NKAIN2: variants seen among roughly 807,000 people sequenced by gnomAD.
The protein encoded by NKAIN2 is sodium/potassium-transporting ATPase subunit beta-1-interacting protein 2.
Under a neutral mutation model 32.6 loss-of-function variants are expected in NKAIN2, and 14 were observed. The observed-to-expected ratio is 0.43, with a 90% confidence interval of 0.28 to 0.67. The LOEUF is 0.67. Ranked by LOEUF, NKAIN2 falls within the 30% of genes least tolerant of loss-of-function variation. The pLI, the probability that NKAIN2 is intolerant of heterozygous loss-of-function variation, is 0.17. For synonymous variants in NKAIN2, 80 were observed against 87.2 expected (o/e 0.92, Z 0.46); for missense variants, 198 against 258.3 (o/e 0.77, Z 1.60).
intron 3 of NKAIN2, among the ~76,000 whole-genome samples, chr6:124,386,384 C>G (rs1178562521): frequency 1.3e-5 from 2 of 152,154 alleles, no homozygotes; most frequent in Non-Finnish European, 2.9e-5. Flanking sequence ...TTACTGTTGA[C>G]TGGTTCACTG....
At chr6:123,947,664 GAT>G (rs780424486) in intron 1 of NKAIN2, among the ~76,000 whole-genome samples, 7 of 152,208 alleles carry the variant, frequency 4.6e-5, no homozygotes, top group Admixed American at 6.5e-5. Context: ...GGGTACAGGT[GAT>G]ATTTTGTTGC....
chr6:124,794,638 T>C lies in NKAIN2; in HGVS notation c.535+3239T>C, dbSNP rs35856043. ...TTTTTATACACAAGTAGACTGACGC[T>C]TGCCTCAGATGTTCATGGGACTAGT... is the stretch of plus-strand genomic sequence containing the variant. On this transcript the variant is annotated intron_variant, in intron 5 of 6. Transcript: ENST00000368417. 5.0e-3 allele frequency among the ~76,000 whole-genome samples: 754 copies of C among 152,298 alleles called. 3 individuals are homozygous for C. Among genetic ancestry groups the C allele is most frequent in the Non-Finnish European group, 8.2e-3 (560 of 68,024 alleles).
At chr6:124,468,502 G>T (rs1237601546) in intron 3 of NKAIN2, among the ~76,000 whole-genome samples, 2 of 152,078 alleles carry the variant, frequency 1.3e-5, no homozygotes, top group Non-Finnish European at 2.9e-5. Context: ...ATGGGAAAAA[G>T]TGGCTTTACC....
chr6:124,203,316 A>T (rs1190521133), intron 1 of NKAIN2, among the ~76,000 whole-genome samples: 1 of 151,816 alleles, frequency 6.6e-6, no homozygotes, highest in Non-Finnish European at 1.5e-5. Context: ...AAACAATTAC[A>T]TATTGCCTAA....
intron 4 of NKAIN2, among the ~76,000 whole-genome samples, chr6:124,745,061 A>T (rs779340141): frequency 6.6e-6 from 1 of 151,750 alleles, no homozygotes; most frequent in Non-Finnish European, 1.5e-5. Context: ...TTTTTTTTCC[A>T]TTTAATTTTC....
chr6:123,978,017 G>A (rs9320968), intron 1 of NKAIN2, among the ~76,000 whole-genome samples: 79,032 of 151,914 alleles, frequency 0.52, 22,818 homozygotes, highest in African/African-American at 0.78. Context: ...CAAGAATTTT[G>A]AATAGTAAAA....
chr6:124,048,797 G>A (rs554585469), intron 1 of NKAIN2, among the ~76,000 whole-genome samples: 66 of 151,996 alleles, frequency 4.3e-4, no homozygotes, highest in Middle Eastern at 6.8e-3. Flanking sequence ...CAATATTTTC[G>A]GGAGATGCAC....
intron 1 of NKAIN2, among the ~76,000 whole-genome samples, chr6:123,973,117 A>G (rs1428575204): frequency 1.3e-5 from 2 of 152,090 alleles, no homozygotes; most frequent in Non-Finnish European, 2.9e-5. Context: ...TCTCTAAGCA[A>G]TCTTCTCTGT....
intron 3 of NKAIN2, among the ~76,000 whole-genome samples, chr6:124,574,755 G>A (rs1037857399): frequency 4.6e-5 from 7 of 152,170 alleles, no homozygotes; most frequent in Admixed American, 1.3e-4. Flanking sequence ...GCTACTTAAC[G>A]TTTCATTGCC....
intron 3 of NKAIN2, among the ~76,000 whole-genome samples, chr6:124,560,004 GT>G (rs1307511661): frequency 6.6e-6 from 1 of 151,850 alleles, no homozygotes; most frequent in Non-Finnish European, 1.5e-5. Context: ...GCACCTTTAG[GT>G]CAAAATATGA....
chr6:124,151,346 GC>G (rs1230154949), intron 1 of NKAIN2, among the ~76,000 whole-genome samples: 1 of 151,884 alleles, frequency 6.6e-6, no homozygotes, highest in Non-Finnish European at 1.5e-5. Flanking sequence ...AATTGTAAAT[GC>G]CCAAATAACA....
intron 3 of NKAIN2, among the ~76,000 whole-genome samples, chr6:124,533,841 T>C (rs547829795): frequency 6.6e-6 from 1 of 152,248 alleles, no homozygotes; most frequent in Admixed American, 6.5e-5. Context: ...TCTGGTCTAG[T>C]GAAGGGCCTA....
chr6:124,233,083 G>A (rs557728662), intron 1 of NKAIN2, among the ~76,000 whole-genome samples: 1 of 151,960 alleles, frequency 6.6e-6, no homozygotes, highest in Non-Finnish European at 1.5e-5. Context: ...AATTATTTGG[G>A]CTACAGTTGG....
chr6:124,022,581 C>T (rs1382108315), intron 1 of NKAIN2, among the ~76,000 whole-genome samples: 1 of 152,044 alleles, frequency 6.6e-6, no homozygotes, highest in Non-Finnish European at 1.5e-5. Context: ...CTAATGTGTC[C>T]AGACAATTTT....
chr6:124,790,836 A>G (rs914771360), intron 4 of NKAIN2, among the ~76,000 whole-genome samples: 1 of 152,058 alleles, frequency 6.6e-6, no homozygotes, highest in African/African-American at 2.4e-5. Flanking sequence ...TCTTAATTAT[A>G]CTCAGTATGC....
At chr6:124,764,062 T>C (rs1036757901) in intron 4 of NKAIN2, among the ~76,000 whole-genome samples, 1 of 152,182 alleles carries the variant, frequency 6.6e-6, no homozygotes, top group Non-Finnish European at 1.5e-5. Flanking sequence ...CCAACTATAG[T>C]CTTTGGCTCT....
intron 3 of NKAIN2, among the ~76,000 whole-genome samples, chr6:124,530,044 A>G (rs749219798): frequency 2.0e-5 from 3 of 152,196 alleles, no homozygotes; most frequent in Non-Finnish European, 2.9e-5. Context: ...ATGTGAAGAT[A>G]TGTATTAGTG....
intron 1 of NKAIN2, among the ~76,000 whole-genome samples, chr6:123,911,805 A>ATATATATATGTGTATATATATATATG (rs1271100335): frequency 1.9e-5 from 2 of 102,686 alleles, no homozygotes; most frequent in African/African-American, 9.0e-5. Context: ...ATATATGTAT[A>ATATATATATGTGTATATATATATATG]TATATATACA....
rs779720301 is a variant in NKAIN2 at position 123,910,497 on chromosome 6, A to ATG, written c.54+106245_54+106246dup. 2.2e-3 allele frequency among the ~76,000 whole-genome samples: 218 copies of ATG among 97,730 alleles called. 1 individual carries two copies. The highest frequency in any genetic ancestry group is 8.9e-3 in the African/African-American group (212 of 23,718). The allele number at this position is 97,730 out of a possible 152,430, so 64.1% of individuals were successfully genotyped here. On this transcript the variant is annotated intron_variant, in intron 1 of 6. Transcript: ENST00000368417. ...GTTTTGAGGACATTACCTGCAATGC[A>ATG]TGTTTTTTTTTTTTTTTTTTTTTTT... is the stretch of plus-strand genomic sequence containing the variant.
Sources: gnomAD v4.1 joint callset for allele counts (sites outside exome capture counted in the v4.1 genomes callset) on GRCh38, gnomAD v4.1.1 for gene constraint, MANE v1.5 for transcripts, NCBI Gene and HGNC (gene_info 2026-07-23, HGNC 2026-07-21) for gene names.